Variants in CYRIB observed in about 807,000 individuals in gnomAD.
The protein encoded by CYRIB is CYFIP-related Rac1 interactor B.
Under a neutral mutation model 44.2 loss-of-function variants are expected in CYRIB, and 8 were observed. The ratio of observed to expected loss-of-function variants is 0.18; its 90% CI spans 0.11 to 0.33. CYRIB has a LOEUF of 0.33. Among genes scored for constraint, CYRIB ranks in the 10% least tolerant of loss-of-function variants. CYRIB has a pLI of 1.00. For missense variants in CYRIB, 185 were observed against 382.8 expected (o/e 0.48, Z 4.31); for synonymous variants, 131 against 127.2 (o/e 1.03, Z -0.20).
At chr8:129,956,535 G>GCA (rs146683281) in intron 2 of CYRIB, among the ~76,000 whole-genome samples, 55,756 of 149,368 alleles carry the variant, frequency 0.37, 11,284 homozygotes, top group East Asian at 0.46. Context: ...CTTTGTGTTT[G>GCA]CACACACACA....
chr8:129,995,349 T>G (rs560534834), intron 1 of CYRIB, among the ~76,000 whole-genome samples: 1 of 151,608 alleles, frequency 6.6e-6, no homozygotes, highest in African/African-American at 2.4e-5. Flanking sequence ...AGAGAACAAG[T>G]GTGAAGCAGA....
At chr8:129,940,816 T>G (rs566703787), upstream of CYRIB, among the ~76,000 whole-genome samples, 26 of 152,306 alleles carry the variant, frequency 1.7e-4, no homozygotes, top group Admixed American at 1.6e-3. Context: ...CTGAAAATAC[T>G]GTAACAGTAT....
chr8:129,929,275 G>A (rs922622241), intron 1 of CYRIB, among the ~76,000 whole-genome samples: 3 of 151,854 alleles, frequency 2.0e-5, no homozygotes, highest in Non-Finnish European at 2.9e-5. Context: ...AGGGAGACAC[G>A]GGGAGAAGAG....
chr8:129,966,590 C>T (rs964809662), intron 2 of CYRIB, among the ~76,000 whole-genome samples: 14 of 152,190 alleles, frequency 9.2e-5, no homozygotes, highest in African/African-American at 3.1e-4. Context: ...AGGCCAGGCG[C>T]AGTGGCTCAT....
intron 2 of CYRIB, among the ~76,000 whole-genome samples, chr8:129,961,157 T>C (rs1194331397): frequency 6.6e-6 from 1 of 151,984 alleles, no homozygotes; most frequent in Non-Finnish European, 1.5e-5. Flanking sequence ...CCCTGAAAAA[T>C]GGAGACAATA....
At chr8:129,988,193 C>T (rs1415425057) in intron 1 of CYRIB, among the ~76,000 whole-genome samples, 1 of 152,186 alleles carries the variant, frequency 6.6e-6, no homozygotes, top group African/African-American at 2.4e-5. Context: ...ACGTGATACC[C>T]GGATGGCCTC....
intron 1 of CYRIB, among the ~76,000 whole-genome samples, chr8:129,991,168 G>A (rs545028453): frequency 2.0e-5 from 3 of 148,492 alleles, no homozygotes; most frequent in South Asian, 2.1e-4. Context: ...TACAACAGGC[G>A]AGGAGTTGAA....
intron 1 of CYRIB, among the ~76,000 whole-genome samples, chr8:129,988,021 C>T (rs1306492666): frequency 3.3e-5 from 5 of 152,192 alleles, no homozygotes; most frequent in African/African-American, 1.2e-4. Context: ...CCTGCGAGCA[C>T]GCCAACAGAC....
At chr8:129,874,163 A>C (rs1317511161) in intron 3 of CYRIB, among the ~76,000 whole-genome samples, 1 of 152,086 alleles carries the variant, frequency 6.6e-6, no homozygotes, top group Non-Finnish European at 1.5e-5. Context: ...TTTAAAAAAA[A>C]AGTACCATTT....
rs183977471 is a variant in CYRIB, at chr8:129,893,082, G to A, written c.-11+10230C>T. 3.8e-3 allele frequency among the ~76,000 whole-genome samples: 575 copies of A among 152,264 alleles called. 4 individuals carry two copies. Among genetic ancestry groups the A allele is most frequent in the African/African-American group, 0.013 (551 of 41,554 alleles). On this transcript the variant is annotated intron_variant, in intron 2 of 11. Transcript: ENST00000519824. ...AAAGCCATTGATGCTCAGAGAACAC[G>A]TATGTCTCACTGAAAGATGCCCAAC...
intron 2 of CYRIB, among the ~76,000 whole-genome samples, chr8:129,889,948 T>C (rs980312189): frequency 3.9e-5 from 6 of 152,136 alleles, no homozygotes; most frequent in African/African-American, 1.4e-4. Flanking sequence ...TGATTTTTTG[T>C]ATTTTAGTAG....
intron 2 of CYRIB, among the ~76,000 whole-genome samples, chr8:129,969,376 A>G (rs965748262): frequency 6.6e-6 from 1 of 152,286 alleles, no homozygotes; most frequent in Middle Eastern, 3.4e-3. Context: ...TAAAATTCTT[A>G]TATTTCCATC....
intron 1 of CYRIB, among the ~76,000 whole-genome samples, chr8:129,903,655 T>G (rs1402917211): frequency 6.6e-6 from 1 of 152,120 alleles, no homozygotes; most frequent in African/African-American, 2.4e-5. Flanking sequence ...CATCATAGCT[T>G]ATGAAGCAAA....
At chr8:129,850,546 C>A in intron 9 of CYRIB, 1 of 368,610 alleles carries the variant, frequency 2.7e-6, no homozygotes, top group South Asian at 4.0e-5. Flanking sequence ...TCCCAGCCAC[C>A]AAAACACCAC....
chr8:130,011,338 T>C lies in CYRIB; in HGVS notation c.-296+5032A>G, dbSNP rs543408731. On this transcript the variant is annotated intron_variant, in intron 1 of 14. Transcript: ENST00000401979. ...GAGTTCGAGACCGGCCTGGCCAATA[T>C]GGGGAAACCCTGTCTCTACTAAAAA... Among the ~76,000 whole-genome samples, 9 of 149,426 alleles carry C rather than the reference T, an allele frequency of 6.0e-5. No homozygotes were observed. The East Asian group carries it at 1.4e-3, about 23-fold the overall frequency.
chr8:129,972,523 C>T (rs2095744231), intron 1 of CYRIB, among the ~76,000 whole-genome samples: 2 of 152,112 alleles, frequency 1.3e-5, no homozygotes, highest in African/African-American at 4.8e-5. Context: ...GCTGCAGTGA[C>T]CCATGATGTG....
chr8:129,977,783 T>A (rs190917734), intron 1 of CYRIB, among the ~76,000 whole-genome samples: 2 of 152,058 alleles, frequency 1.3e-5, no homozygotes, highest in Non-Finnish European at 2.9e-5. Flanking sequence ...CTGCCCGCCT[T>A]GGCCTCCCAA....
chr8:129,978,792 T>TAC (rs914593117), intron 1 of CYRIB, among the ~76,000 whole-genome samples: 4 of 151,808 alleles, frequency 2.6e-5, no homozygotes, highest in Admixed American at 6.6e-5. Flanking sequence ...TAAGTGCGTG[T>TAC]ACACACACAC....
At chr8:129,874,980 C>T (rs560947469) in intron 3 of CYRIB, among the ~76,000 whole-genome samples, 3 of 152,276 alleles carry the variant, frequency 2.0e-5, no homozygotes, top group Admixed American at 6.5e-5. Context: ...TAACAAATGA[C>T]TACCTCTATT....
Sources: gnomAD v4.1 joint callset for allele counts (sites outside exome capture counted in the v4.1 genomes callset) on GRCh38, gnomAD v4.1.1 for gene constraint, MANE v1.5 for transcripts, NCBI Gene and HGNC (gene_info 2026-07-23, HGNC 2026-07-21) for gene names.